The following IL17RA variants were observed in gnomAD, a reference collection of about 807,000 sequenced individuals.
IL17RA encodes interleukin-17 receptor A.
IL17RA carries 34 observed loss-of-function variants against 50.4 expected under a neutral mutation model. The observed-to-expected ratio is 0.67, with a 90% CI of 0.51 to 0.90. The LOEUF is 0.90. Ranked by LOEUF, IL17RA falls within the 40% of genes least tolerant of loss-of-function variation. The pLI, the probability that IL17RA is intolerant of heterozygous loss-of-function variation, is 0.00. For missense variants in IL17RA, 1,276 were observed against 1,169.8 expected, an observed-to-expected ratio of 1.09 and a Z score of -1.32; for synonymous variants, 585 against 510.4, an observed-to-expected ratio of 1.15 and a Z score of -1.97.
chr22:17,108,391 A>G lies in IL17RA; in HGVS notation c.1172A>G (p.Tyr391Cys). The change falls in exon 13 of 13, where the codon TAC (tyrosine) becomes TGC (cysteine). Residue 391 changes from tyrosine to cysteine, a missense_variant. By Grantham distance (194) the Tyr-to-Cys change is radical (BLOSUM62 -2). Coordinates refer to ENST00000319363, the MANE Select transcript of IL17RA (RefSeq NM_014339.7). ...ATCTACTCAGCCGACCACCCCCTCTACGTGGACGTGGTCCTGAAATTCGCC... is the reference window on the plus strand; with the variant it reads ...ATCTACTCAGCCGACCACCCCCTCTGCGTGGACGTGGTCCTGAAATTCGCC... ...WIIYSADHPL[Y>C]VDVVLKFAQF... 1.9e-6 allele frequency: 3 copies of G among 1,613,960 alleles called. No homozygotes were observed. The highest frequency in any genetic ancestry group is 2.5e-6 in the Non-Finnish European group (3 of 1,179,946).
chr22:17,103,698 G>A, intron 8 of IL17RA, 121 bp downstream of exon 8: 1 of 799,372 alleles, frequency 1.3e-6, no homozygotes, highest in Middle Eastern at 2.3e-4. Context: ...AGTGTGCACA[G>A]GTGGAGAGAG....
At chr22:17,105,130 C>T (rs2061408871) in intron 9 of IL17RA, among the ~76,000 whole-genome samples, 1 of 152,204 alleles carries the variant, frequency 6.6e-6, no homozygotes, top group Non-Finnish European at 1.5e-5. Context: ...CGCAGTGCTC[C>T]AACATGCCGT....
At position 17,109,913 on chromosome 22, in the gene IL17RA, T is replaced by G; in HGVS notation, c.*93T>G. ...GTGTGTACATGTCTGCATGTGTATA[T>G]GTTCGTGTGTGAAATGTAGGCTTTA... is the stretch of plus-strand genomic sequence containing the variant. On this transcript the variant is annotated 3_prime_UTR_variant, in exon 13 of 13. Transcript: ENST00000319363. The G allele has an allele frequency of 4.3e-6, 5 of 1,153,558 alleles. No individual in the cohort carries two copies. The highest frequency in any genetic ancestry group is 6.1e-6 in the Non-Finnish European group (5 of 814,826). 71.5% of individuals were successfully genotyped at this position (1,153,558 alleles called of 1,614,324 possible). A position where few individuals can be genotyped will look rare whatever the true frequency, so the allele number is the denominator to read the frequency against.
rs1160974632 is a variant in IL17RA at position 17,109,284 on chromosome 22, G to C, written c.2065G>C (p.Gly689Arg). Residue 689 changes from glycine to arginine, a missense_variant, in exon 13 of 13, where the codon GGT becomes CGT. Transcript: ENST00000319363. ...GGTGGAGCCTGGGCCCCTGGCTGAC[G>C]GTGCCGCAGTCCGGCTGGCACTGGC... ...AAVEPGPLAD[G>R]AAVRLALAGE... 1.6e-5 allele frequency: 24 copies of C among 1,518,318 alleles called. No homozygotes were observed. Among genetic ancestry groups the C allele is most frequent in the Non-Finnish European group, 2.0e-5 (23 of 1,137,712 alleles). 94.1% of individuals were successfully genotyped at this position (1,518,318 alleles called of 1,614,324 possible).
intron 1 of IL17RA, among the ~76,000 whole-genome samples, chr22:17,085,862 C>T (rs2061325699): frequency 6.6e-6 from 1 of 152,162 alleles, no homozygotes; most frequent in African/African-American, 2.4e-5. Context: ...CGCTGAGACG[C>T]GGCACCATGT....
At chr22:17,105,663 C>T (rs575282226) in intron 10 of IL17RA, 61 bp downstream of exon 10, 2 of 1,582,354 alleles carry the variant, frequency 1.3e-6, no homozygotes, top group African/African-American at 1.4e-5. Context: ...CCAGTGGCCA[C>T]TTGAGAAGTC....
At chr22:17,105,724 G>GGC (rs1555874497) in intron 10 of IL17RA, 122 bp downstream of exon 10, 13 of 1,386,572 alleles carry the variant, frequency 9.4e-6, no homozygotes, top group African/African-American at 4.4e-5. Flanking sequence ...CCGGGGTGGG[G>GGC]GGTGAGACCA....
Position 17,085,225 on chromosome 22 carries a change from A to T in IL17RA, c.134A>T (p.Gln45Leu). Residue 45 changes from glutamine (Q) to leucine (L), a missense_variant, in exon 1 of 13, where the codon CAG becomes CTG. Physicochemically the swap from Gln to Leu is moderately radical, Grantham distance 113. Coordinates refer to ENST00000319363, the MANE Select transcript of IL17RA (RefSeq NM_014339.7). The stretch of plus-strand genomic sequence containing the variant: ...GACCACCGGGCGCTGGTCTGCTCCC[A>T]GCCGGTGAGACTCGACGTGGGGAGC... Reference protein sequence around the residue: ...LLDHRALVCSQPGLNCTVKNS... With the variant: ...LLDHRALVCSLPGLNCTVKNS... The T allele has an allele frequency of 1.3e-6, 2 of 1,537,974 alleles. No individual in the cohort carries two copies. Among genetic ancestry groups the T allele is most frequent in the Non-Finnish European group, 8.7e-7 (1 of 1,145,938 alleles).
intron 1 of IL17RA, among the ~76,000 whole-genome samples, chr22:17,094,671 C>A (rs1035487146): frequency 0.031 from 1,243 of 40,290 alleles, 58 homozygotes; most frequent in Middle Eastern, 0.12. Context: ...CTCTCTCTCT[C>A]TCTCTCTCTC....
At position 17,108,655 on chromosome 22, in the gene IL17RA, T is replaced by G; in HGVS notation, c.1436T>G (p.Phe479Cys). Residue 479 changes from phenylalanine to cysteine, a missense_variant, in exon 13 of 13, where the codon TTC becomes TGC. Coordinates refer to ENST00000319363, the MANE Select transcript of IL17RA (RefSeq NM_014339.7). ...CACGGAAAGCCCGTGGGGGACCTGTTCACTGCAGCCATGAACATGATCCTC... is the reference window on the plus strand; with the variant it reads ...CACGGAAAGCCCGTGGGGGACCTGTGCACTGCAGCCATGAACATGATCCTC... ...CDHGKPVGDL[F>C]TAAMNMILPD... 2 of 1,607,232 alleles carry G rather than the reference T, an allele frequency of 1.2e-6. No homozygotes were observed. Among genetic ancestry groups the G allele is most frequent in the Non-Finnish European group, 1.7e-6 (2 of 1,179,770 alleles).
chr22:17,102,291 C>T lies in IL17RA; in HGVS notation c.751C>T (p.His251Tyr), dbSNP rs769414039. The T allele has an allele frequency of 2.5e-6, 4 of 1,614,188 alleles. No homozygotes were observed. Among genetic ancestry groups the T allele is most frequent in the Non-Finnish European group, 3.4e-6 (4 of 1,180,030 alleles). Residue 251 changes from histidine (H) to tyrosine (Y), a missense_variant, in exon 7 of 13, where the codon CAC becomes TAC. His to Tyr is a moderately conservative substitution (Grantham distance 83, BLOSUM62 2). Coordinates refer to ENST00000319363, the MANE Select transcript of IL17RA (RefSeq NM_014339.7). ...CCACAGTTGCTTTGAGCACATGCACCACATACCTGCGGTAACTCTGCTCTT... is the reference window on the plus strand; with the variant it reads ...CCACAGTTGCTTTGAGCACATGCACTACATACCTGCGGTAACTCTGCTCTT... ...ENHSCFEHMH[H>Y]IPAPRPEEFH... is the part of the protein sequence containing the mutation.
intron 1 of IL17RA, among the ~76,000 whole-genome samples, chr22:17,088,899 G>A (rs1423277807): frequency 2.0e-5 from 3 of 151,886 alleles, no homozygotes; most frequent in African/African-American, 4.8e-5. Context: ...AGGCTCAAGC[G>A]ATTCTCCTGC....
chr22:17,103,297 C>CT (rs541385785), intron 7 of IL17RA, among the ~76,000 whole-genome samples, 197 bp from the exon 8 acceptor site: 1 of 152,182 alleles, frequency 6.6e-6, no homozygotes, highest in African/African-American at 2.4e-5. Flanking sequence ...ACTACACGTA[C>CT]TTAAGGATTT....
chr22:17,098,972 G>A, intron 4 of IL17RA, 85 bp downstream of exon 4: 2 of 1,088,804 alleles, frequency 1.8e-6, no homozygotes, highest in Non-Finnish European at 1.4e-6. Context: ...CCCTGATTTA[G>A]AGTGGGGGAG....
intron 1 of IL17RA, 50 bp from the exon 2 acceptor site, chr22:17,097,012 T>C: frequency 6.3e-7 from 1 of 1,575,598 alleles, no homozygotes; most frequent in Non-Finnish European, 8.7e-7. Context: ...CCCTGGCATG[T>C]GAATTCAAGC....
chr22:17,091,244 A>G (rs769100155), intron 1 of IL17RA, among the ~76,000 whole-genome samples: 3 of 152,206 alleles, frequency 2.0e-5, no homozygotes, highest in Non-Finnish European at 2.9e-5. Flanking sequence ...TTTCATGTCA[A>G]CATATCTTTA....
intron 2 of IL17RA, chr22:17,097,473 CT>C: frequency 1.9e-6 from 1 of 524,480 alleles, no homozygotes; most frequent in Non-Finnish European, 3.4e-6. Context: ...TTAGAGACCC[CT>C]GACATATAAC....
chr22:17,104,361 T>C (rs1326764528), intron 8 of IL17RA, among the ~76,000 whole-genome samples: 1 of 136,302 alleles, frequency 7.3e-6, no homozygotes, highest in Non-Finnish European at 1.6e-5. Flanking sequence ...GAGAGAGTGG[T>C]GTGGCTGGGA....
In IL17RA at chr22:17,105,581, C is replaced by T. The variant is rs2241046; in HGVS notation, c.932-10C>T. On this transcript the variant is annotated splice_polypyrimidine_tract_variant and intron_variant, in intron 9 of 12. Coordinates refer to ENST00000319363, the MANE Select transcript of IL17RA (RefSeq NM_014339.7). Reference sequence around the variant, plus strand: ...TGCTATTTTCCCTTTTTCCTCTGTTCTCATTGCAGAACCAATTCCGGGTAA... The same window carrying T: ...TGCTATTTTCCCTTTTTCCTCTGTTTTCATTGCAGAACCAATTCCGGGTAA... 1,281,164 of 1,610,648 alleles carry T rather than the reference C, an allele frequency of 0.8. 510,984 individuals carry two copies. The highest frequency in any genetic ancestry group is 0.88 in the African/African-American group (66,309 of 74,954).
Sources: allele counts gnomAD v4.1 joint callset (sites outside exome capture counted in the v4.1 genomes callset), GRCh38; gene constraint gnomAD v4.1.1; transcripts MANE v1.5; gene names NCBI Gene and HGNC (gene_info 2026-07-23, HGNC 2026-07-21).